Variants in PPFIA2 observed in about 807,000 individuals in gnomAD.
PPFIA2 encodes the protein PPFI scaffold protein A2.
A neutral mutation model predicts 175.5 loss-of-function variants in PPFIA2; 46 were observed. The observed-to-expected ratio is 0.26, with a 90% CI of 0.21 to 0.34. The LOEUF is 0.34. PPFIA2 is among the 10% of genes least tolerant of loss of function. PPFIA2 has a pLI of 1.00. For synonymous variants in PPFIA2, 568 were observed against 511.4 expected, an observed-to-expected ratio of 1.11 and a Z score of -1.49; for missense variants, 1,179 against 1,506.1, an observed-to-expected ratio of 0.78 and a Z score of 3.60.
In PPFIA2 at chr12:81,263,406, T is replaced by A. The variant is rs768450384; in HGVS notation, c.3556-16A>T. ...TGTCATCACTCTGCCAGTACAGTTA[T>A]AAGGTGATGTTATGAAAACAAGTAA... On this transcript the variant is annotated splice_polypyrimidine_tract_variant and intron_variant, in intron 30 of 32. Transcript: ENST00000549396. 6.2e-7 allele frequency: 1 copy of A among 1,606,770 alleles called. No homozygotes were observed. Among genetic ancestry groups the A allele is most frequent in the East Asian group, 2.2e-5 (1 of 44,800 alleles).
chr12:81,752,769 CTT>C (rs778356684), intron 3 of PPFIA2, among the ~76,000 whole-genome samples: 1 of 152,088 alleles, frequency 6.6e-6, no homozygotes, highest in Non-Finnish European at 1.5e-5. Flanking sequence ...CAAGCCATAA[CTT>C]TGTGGAGAGA....
intron 3 of PPFIA2, among the ~76,000 whole-genome samples, chr12:81,688,165 A>G (rs932587391): frequency 6.6e-6 from 1 of 152,034 alleles, no homozygotes; most frequent in African/African-American, 2.4e-5. Flanking sequence ...TAATAAAAAA[A>G]TGAGTAATCT....
chr12:81,323,390 T>C (rs957986982), intron 22 of PPFIA2, among the ~76,000 whole-genome samples: 15 of 152,148 alleles, frequency 9.9e-5, no homozygotes, highest in Non-Finnish European at 1.5e-5. Flanking sequence ...ACTGTGTACG[T>C]ACGATCTGTA....
At chr12:81,583,505 A>G (rs2074726371) in intron 4 of PPFIA2, among the ~76,000 whole-genome samples, 1 of 151,926 alleles carries the variant, frequency 6.6e-6, no homozygotes. Flanking sequence ...CCTTCTTGTC[A>G]TGCAAATAAC....
chr12:81,751,957 C>T (rs2153664874), intron 3 of PPFIA2, among the ~76,000 whole-genome samples: 1 of 152,194 alleles, frequency 6.6e-6, no homozygotes, highest in African/African-American at 2.4e-5. Flanking sequence ...ATCCAAATTA[C>T]TTTCAGATGT....
At chr12:81,475,268 A>ACT (rs1290639642) in intron 4 of PPFIA2, among the ~76,000 whole-genome samples, 3 of 152,320 alleles carry the variant, frequency 2.0e-5, no homozygotes, top group Non-Finnish European at 4.4e-5. Context: ...GACCATGGTA[A>ACT]AAGGATCACA....
intron 4 of PPFIA2, among the ~76,000 whole-genome samples, chr12:81,642,436 T>A (rs973217066): frequency 6.6e-6 from 1 of 151,260 alleles, no homozygotes; most frequent in Non-Finnish European, 1.5e-5. Flanking sequence ...GGAATGTTAA[T>A]AATAATGTTA....
At chr12:81,758,570 G>A (rs1045238938) in intron 1 of PPFIA2, 63 bp from the exon 2 acceptor site, 1 of 376,742 alleles carries the variant, frequency 2.7e-6, no homozygotes, top group Non-Finnish European at 5.4e-6. Context: ...CCCGGAACGT[G>A]CCCCGGCCCG....
chr12:81,355,225 G>T (rs2060703990), intron 16 of PPFIA2, among the ~76,000 whole-genome samples: 1 of 152,132 alleles, frequency 6.6e-6, no homozygotes. Flanking sequence ...GTGGCCAGGT[G>T]CATTGTTAAT....
At chr12:81,663,935 G>A (rs10778823) in intron 4 of PPFIA2, among the ~76,000 whole-genome samples, 73,760 of 151,820 alleles carry the variant, frequency 0.49, 19,266 homozygotes, top group Middle Eastern at 0.59. Context: ...ACAAGAAATG[G>A]GGAAAGGATT....
chr12:81,753,883 G>T, intron 3 of PPFIA2, 90 bp downstream of exon 3: 1 of 1,467,672 alleles, frequency 6.8e-7, no homozygotes, highest in Non-Finnish European at 9.3e-7. Context: ...CATATGTTAA[G>T]TGGAAAAGTA....
chr12:81,635,158 T>G (rs2063840269), intron 4 of PPFIA2, among the ~76,000 whole-genome samples: 1 of 152,214 alleles, frequency 6.6e-6, no homozygotes, highest in African/African-American at 2.4e-5. Flanking sequence ...CTAGAATCTC[T>G]ACTGCTTATC....
chr12:81,730,859 G>A (rs1367102419), intron 3 of PPFIA2, among the ~76,000 whole-genome samples: 1 of 151,290 alleles, frequency 6.6e-6, no homozygotes, highest in African/African-American at 2.4e-5. Flanking sequence ...TATGAGAATT[G>A]GTCTAGAAGG....
chr12:81,312,527 TTTTA>T, intron 22 of PPFIA2: 1 of 249,674 alleles, frequency 4.0e-6, no homozygotes, highest in Non-Finnish European at 7.6e-6. Context: ...TTCCATGCTA[TTTTA>T]CCAGTAGAAA....
chr12:81,285,578 G>C (rs1312613882), intron 24 of PPFIA2, among the ~76,000 whole-genome samples: 1 of 151,934 alleles, frequency 6.6e-6, no homozygotes, highest in Admixed American at 6.6e-5. Context: ...CACAACAAAT[G>C]GTCTCATATG....
intron 4 of PPFIA2, among the ~76,000 whole-genome samples, chr12:81,582,114 T>A (rs556027328): frequency 5.2e-4 from 79 of 152,018 alleles, no homozygotes; most frequent in Non-Finnish European, 1.0e-3. Context: ...TTTTTAATGA[T>A]TATTTTACTC....
chr12:81,758,902 C>T (rs1367945225), intron 1 of PPFIA2, among the ~76,000 whole-genome samples: 1 of 151,986 alleles, frequency 6.6e-6, no homozygotes, highest in Admixed American at 6.5e-5. Flanking sequence ...GGCGTCCCTC[C>T]AAAAGAAAGC....
chr12:81,421,167 A>T (rs1406404329), intron 7 of PPFIA2, among the ~76,000 whole-genome samples: 1 of 152,146 alleles, frequency 6.6e-6, no homozygotes. Flanking sequence ...GAAATGCACA[A>T]GGAAGTTCTT....
intron 3 of PPFIA2, among the ~76,000 whole-genome samples, chr12:81,714,542 C>T (rs563469918): frequency 2.0e-5 from 3 of 150,932 alleles, no homozygotes; most frequent in Admixed American, 6.8e-5. Context: ...AGGGTTGCCA[C>T]GTTGTGAATT....
Sources: allele counts gnomAD v4.1 joint callset (sites outside exome capture counted in the v4.1 genomes callset), GRCh38; gene constraint gnomAD v4.1.1; transcripts MANE v1.5; gene names NCBI Gene and HGNC (gene_info 2026-07-23, HGNC 2026-07-21).